Variants in PDK3 observed in about 807,000 individuals in gnomAD.
PDK3 encodes pyruvate dehydrogenase kinase, isozyme 3.
A neutral mutation model predicts 32.0 loss-of-function variants in PDK3; 12 were observed. That is an observed-to-expected ratio of 0.37 (90% CI 0.24 to 0.61). The LOEUF is 0.61. Ranked by LOEUF, PDK3 falls within the 20% of genes least tolerant of loss-of-function variation. The probability of loss-of-function intolerance (pLI) is 0.65; values close to 1 mark genes in which losing one functional copy is unlikely to be tolerated. For synonymous variants in PDK3, 122 were observed against 116.3 expected, an observed-to-expected ratio of 1.05 and a Z score of -0.31; for missense variants, 188 against 316.9, an observed-to-expected ratio of 0.59 and a Z score of 3.09.
rs1286892205 is a variant in PDK3, at chrX:24,518,617, G to A, written c.596-316G>A. Among the ~76,000 whole-genome samples, 3 of 112,075 alleles carry A rather than the reference G, an allele frequency of 2.7e-5. No individual in the cohort carries two copies. The Admixed American group carries it at 2.8e-4, about 11-fold the overall frequency. On this transcript the variant is annotated intron_variant, in intron 5 of 10. Coordinates refer to ENST00000379162, the MANE Select transcript of PDK3 (RefSeq NM_005391.5). ...GAGGACTGCTTGAGCCCAGGAGTTC[G>A]AGGCTGCAATGAGCTATGATCACAC...
At chrX:24,498,223 A>G (rs1921764217) in intron 2 of PDK3, among the ~76,000 whole-genome samples, 1 of 111,882 alleles carries the variant, frequency 8.9e-6, no homozygotes, top group Non-Finnish European at 1.9e-5. Flanking sequence ...AAGTTAGGAT[A>G]TGTCTGTTTG....
chrX:24,499,260 T>TA (rs921861108), intron 3 of PDK3, among the ~76,000 whole-genome samples: 25 of 108,622 alleles, frequency 2.3e-4, no homozygotes, highest in African/African-American at 8.4e-4. Context: ...CCTTTACAAT[T>TA]AAAAAAAAAA....
At chrX:24,485,138 A>C (rs1425027364) in intron 1 of PDK3, among the ~76,000 whole-genome samples, 2 of 111,697 alleles carry the variant, frequency 1.8e-5, no homozygotes, top group Non-Finnish European at 3.8e-5. Context: ...ACCTGAGGTC[A>C]GCAGTTCGAG....
At chrX:24,516,362 G>A (rs1438498216) in intron 5 of PDK3, among the ~76,000 whole-genome samples, 1 of 110,891 alleles carries the variant, frequency 9.0e-6, no homozygotes. Context: ...GATAAATGAA[G>A]GCATATGTTC....
At chrX:24,521,972 G>A (rs967895833) in intron 6 of PDK3, among the ~76,000 whole-genome samples, 2 of 111,798 alleles carry the variant, frequency 1.8e-5, no homozygotes. Flanking sequence ...ATGTGCTTTC[G>A]CCTTAACAAG....
At chrX:24,525,450 G>C in intron 6 of PDK3, among the ~76,000 whole-genome samples, 1 of 112,255 alleles carries the variant, frequency 8.9e-6, no homozygotes, top group East Asian at 2.8e-4. Flanking sequence ...CTTTATTAGA[G>C]GAAGTAGCTG....
Position 24,527,585 on chromosome X carries a change from A to G in PDK3, c.762A>G (p.Arg254=), listed in dbSNP as rs1375202874. 3.5e-6 allele frequency: 4 copies of G among 1,146,950 alleles called. No homozygotes were observed. Among genetic ancestry groups the G allele is most frequent in the Non-Finnish European group, 4.7e-6 (4 of 846,873 alleles). The allele number at this position is 1,146,950 out of a possible 1,213,427, so 94.5% of individuals were successfully genotyped here. ...TCTTATTATTTTAGAACTCAATGAGAGCGACAGTTGAACTCTATGAAGACA... is the reference window on the plus strand; with the variant it reads ...TCTTATTATTTTAGAACTCAATGAGGGCGACAGTTGAACTCTATGAAGACA... ...MLFELFKNSM[R]ATVELYEDRK... Residue 254 remains arginine (R), a synonymous_variant, in exon 8 of 11, where the codon AGA becomes AGG. Coordinates refer to ENST00000379162, the MANE Select transcript of PDK3 (RefSeq NM_005391.5).
intron 6 of PDK3, among the ~76,000 whole-genome samples, chrX:24,521,471 T>C (rs1922395914): frequency 9.0e-6 from 1 of 110,757 alleles, no homozygotes; most frequent in Non-Finnish European, 1.9e-5. Context: ...AGAAGAGTCA[T>C]GTCCCCATTG....
exon 12 of PDK3, among the ~76,000 whole-genome samples, chrX:24,541,266 C>T (rs755211241): frequency 1.3e-3 from 147 of 109,685 alleles, no homozygotes; most frequent in African/African-American, 4.6e-3. Context: ...CAATTTCCAA[C>T]GATACTCCTT....
In PDK3 at chrX:24,522,838, G is replaced by A. The variant is rs145711238; in HGVS notation, c.674-3360G>A. Among the ~76,000 whole-genome samples, 40 of 109,435 alleles carry A rather than the reference G, an allele frequency of 3.7e-4. 2 individuals are homozygous for A. In the East Asian group the frequency reaches 0.011, roughly 29 times the overall value. ...AGATAATTGCTTGAACCTGGGAGGC[G>A]GAGGTTGCAGTGAGCTGAAATTGCG... On this transcript the variant is annotated intron_variant, in intron 6 of 10. Coordinates refer to ENST00000379162, the MANE Select transcript of PDK3 (RefSeq NM_005391.5).
downstream of PDK3, chrX:24,539,131 T>TAAC: frequency 3.6e-6 from 4 of 1,105,513 alleles, no homozygotes; most frequent in Non-Finnish European, 4.9e-6. Flanking sequence ...ATTTTCTTTG[T>TAAC]AGAGACAAGA....
intron 10 of PDK3, among the ~76,000 whole-genome samples, chrX:24,533,572 T>G (rs1039546180): frequency 1.8e-5 from 2 of 112,112 alleles, no homozygotes; most frequent in Admixed American, 1.9e-4. Context: ...GGTGTGTGTT[T>G]ATAAACCTGG....
At chrX:24,519,590 G>A (rs1018557985) in intron 6 of PDK3, among the ~76,000 whole-genome samples, 1 of 109,845 alleles carries the variant, frequency 9.1e-6, no homozygotes, top group Admixed American at 9.7e-5. Flanking sequence ...GGCTGGTTTC[G>A]AACTCATGAC....
chrX:24,539,244 T>G (rs1922841143), downstream of PDK3: 1 of 634,934 alleles, frequency 1.6e-6, no homozygotes, highest in Non-Finnish European at 2.5e-6. Context: ...TTCTCCCACC[T>G]GCTCTGAGCG....
At chrX:24,472,524 G>A (rs1921000829) in intron 1 of PDK3, among the ~76,000 whole-genome samples, 1 of 110,936 alleles carries the variant, frequency 9.0e-6, no homozygotes, top group South Asian at 3.7e-4. Flanking sequence ...TAAAATATCA[G>A]TACATCTTAT....
chrX:24,505,119 C>A, intron 4 of PDK3, 90 bp from the exon 5 acceptor site: 2 of 567,352 alleles, frequency 3.5e-6, no homozygotes, highest in South Asian at 3.3e-5. Context: ...ATAAGATATC[C>A]TTTCTAAACA....
At position 24,468,828 on chromosome X, in the gene PDK3, C is replaced by T. The variant is rs753390318; in HGVS notation, c.106+3267C>T. 6.3e-5 allele frequency among the ~76,000 whole-genome samples: 7 copies of T among 111,953 alleles called. No homozygotes were observed. The South Asian group carries it at 1.5e-3, about 24-fold the overall frequency. On this transcript the variant is annotated intron_variant, in intron 1 of 10. Transcript: ENST00000379162. ...AATTTATTATGGCAATAGTACATTC[C>T]AAAGGGTGGCATTTTTTAAAATGAG...
At chrX:24,548,989 A>T (rs1923049788) in exon 12 of PDK3, 1 of 112,217 alleles carries the variant, frequency 8.9e-6, no homozygotes, top group African/African-American at 3.2e-5. Flanking sequence ...AACCATGGGA[A>T]ACCTCAGTCC....
intron 8 of PDK3, 133 bp from the exon 9 acceptor site, chrX:24,527,943 T>A: frequency 4.2e-6 from 2 of 473,389 alleles, no homozygotes; most frequent in Admixed American, 7.0e-5. Flanking sequence ...AGGAACCGTA[T>A]GTCACTGGGG....
Sources: gnomAD v4.1 joint callset for allele counts (sites outside exome capture counted in the v4.1 genomes callset) on GRCh38, gnomAD v4.1.1 for gene constraint, MANE v1.5 for transcripts, NCBI Gene and HGNC (gene_info 2026-07-23, HGNC 2026-07-21) for gene names.